Variants in MFSD8 observed in about 807,000 individuals in gnomAD.
MFSD8 encodes major facilitator superfamily domain-containing protein 8.
MFSD8 carries 55 observed loss-of-function variants against 66.4 expected under a neutral mutation model. The ratio of observed to expected loss-of-function variants is 0.83; its 90% CI spans 0.67 to 1.04. MFSD8 has a LOEUF of 1.04. Among genes scored for constraint, MFSD8 ranks in the 50% least tolerant of loss-of-function variants. The pLI is 0.00. For missense variants in MFSD8, 550 were observed against 627.6 expected (o/e 0.88, Z 1.32); for synonymous variants, 202 against 212.8 (o/e 0.95, Z 0.44).
chr4:127,921,573 T>C lies in MFSD8; in HGVS notation c.1301A>G (p.Asn434Ser). ...VLIGLGYPVC[N>S]LMSYTLYSKI... ...TGAATATAGAGTATAGGACATAAGA[T>C]TGCAGACTGGATAGCCTAATCCTAT... is the stretch of plus-strand genomic sequence containing the variant. Residue 434 changes from asparagine (N) to serine (S), a missense_variant, in exon 11 of 12, where the codon AAT becomes AGT. By Grantham distance (46) the Asn-to-Ser change is conservative (BLOSUM62 1). Coordinates refer to ENST00000641686, the MANE Select transcript of MFSD8 (RefSeq NM_001371596.2). 3 of 1,614,200 alleles carry C rather than the reference T, an allele frequency of 1.9e-6. No homozygotes were observed. The highest frequency in any genetic ancestry group is 2.5e-6 in the Non-Finnish European group (3 of 1,180,036).
chr4:127,933,196 C>T, intron 7 of MFSD8, 103 bp from the exon 8 acceptor site: 1 of 951,578 alleles, frequency 1.1e-6, no homozygotes, highest in East Asian at 2.7e-5. Context: ...TATAAATAAA[C>T]ATTTAAAAAA....
At chr4:127,939,784 TC>T (rs1238964440) in intron 6 of MFSD8, 68 bp downstream of exon 6, 4 of 1,497,710 alleles carry the variant, frequency 2.7e-6, no homozygotes, top group Non-Finnish European at 3.7e-6. Flanking sequence ...ATAATTATCT[TC>T]CAACAATTAC....
chr4:127,965,263 G>C (rs979383455), upstream of MFSD8: 2 of 1,192,058 alleles, frequency 1.7e-6, no homozygotes, highest in African/African-American at 3.0e-5. Flanking sequence ...GACGTAGGCG[G>C]AACGCCCCGA....
In MFSD8 at chr4:127,940,523, T is replaced by TAG. The variant is rs1739993304; in HGVS notation, c.554-527_554-526insCT. On this transcript the variant is annotated intron_variant, in intron 5 of 11. Transcript: ENST00000641686. ...AATATTATTCTGTATATGGTATATA[T>TAG]ATATATATATATATATGTGTGTGTG... 3.4e-5 allele frequency among the ~76,000 whole-genome samples: 5 copies of TAG among 145,904 alleles called. No individual in the cohort carries two copies. The South Asian group carries it at 1.1e-3, about 31-fold the overall frequency.
intron 11 of MFSD8, chr4:127,921,050 G>A (rs1480669594): frequency 1.2e-5 from 7 of 591,060 alleles, no homozygotes; most frequent in Non-Finnish European, 2.1e-5. Flanking sequence ...AAAACTTACT[G>A]TCTGCTGAAG....
At chr4:127,938,881 A>C in intron 6 of MFSD8, 43 bp from the exon 7 acceptor site, 1 of 1,452,628 alleles carries the variant, frequency 6.9e-7, no homozygotes, top group Non-Finnish European at 9.6e-7. Flanking sequence ...AAAATGCTTA[A>C]TAGAGAAGTT....
chr4:127,928,971 T>C (rs1019938870), intron 9 of MFSD8, among the ~76,000 whole-genome samples: 2 of 152,032 alleles, frequency 1.3e-5, no homozygotes, highest in Non-Finnish European at 1.5e-5. Context: ...TTAAGTGAAA[T>C]AAGCCAAGCA....
At chr4:127,946,739 AC>A (rs1406762386) in intron 3 of MFSD8, among the ~76,000 whole-genome samples, 3 of 151,946 alleles carry the variant, frequency 2.0e-5, no homozygotes, top group Admixed American at 2.0e-4. Context: ...ACACAGTGAA[AC>A]CCTGTCTCTA....
At chr4:127,962,277 G>C (rs924683944) in intron 1 of MFSD8, among the ~76,000 whole-genome samples, 1 of 152,072 alleles carries the variant, frequency 6.6e-6, no homozygotes, top group African/African-American at 2.4e-5. Context: ...AGATCAGCCT[G>C]GCCACCTGGT....
In MFSD8 at chr4:127,918,785, T is replaced by C. The variant is rs1240383631; in HGVS notation, c.*1845A>G. 1 of 152,220 alleles carries C rather than the reference T, an allele frequency of 6.6e-6. No homozygotes were observed. Among genetic ancestry groups the C allele is most frequent in the Non-Finnish European group, 1.5e-5 (1 of 68,028 alleles). 9.4% of individuals were successfully genotyped at this position (152,220 alleles called of 1,614,324 possible). ...GTATTTTCACTCCATAAGACTGCTG[T>C]AAGAATTAAATTGTATGTTACACAT... On this transcript the variant is annotated 3_prime_UTR_variant, in exon 12 of 12. Coordinates refer to ENST00000641686, the MANE Select transcript of MFSD8 (RefSeq NM_001371596.2).
intron 2 of MFSD8, among the ~76,000 whole-genome samples, chr4:127,952,735 T>A (rs972698933): frequency 5.3e-5 from 8 of 151,570 alleles, no homozygotes; most frequent in African/African-American, 1.9e-4. Flanking sequence ...CTGGGCGTGG[T>A]GGCAGGCACC....
intron 1 of MFSD8, among the ~76,000 whole-genome samples, chr4:127,959,508 C>T (rs1453623358): frequency 6.6e-6 from 1 of 152,032 alleles, no homozygotes; most frequent in Admixed American, 6.6e-5. Context: ...CTAGTTGTAA[C>T]AGTGATGGAG....
Position 127,940,000 on chromosome 4 carries a change from T to C in MFSD8, c.554-3A>G. The C allele has an allele frequency of 1.2e-6, 2 of 1,612,018 alleles. No individual in the cohort carries two copies. The highest frequency in any genetic ancestry group is 1.7e-6 in the Non-Finnish European group (2 of 1,178,946). On this transcript the variant is annotated splice_polypyrimidine_tract_variant and splice_region_variant and intron_variant, in intron 5 of 11. Transcript: ENST00000641686. ...GAATGTAAAACAAGTCTGAAAAACT[T>C]ATTAAGATAAAATTTTCACAGATGA...
intron 2 of MFSD8, among the ~76,000 whole-genome samples, chr4:127,953,557 T>G (rs1303044053): frequency 7.2e-6 from 1 of 137,974 alleles, no homozygotes; most frequent in African/African-American, 2.7e-5. Flanking sequence ...TTTTTTTTTT[T>G]TTTTTTTTTT....
At chr4:127,943,346 T>G in intron 4 of MFSD8, 1 of 223,692 alleles carries the variant, frequency 4.5e-6, no homozygotes, top group Non-Finnish European at 8.8e-6. Context: ...CAAGATGGCT[T>G]TGTGGAAAAT....
At chr4:127,930,968 A>G in intron 8 of MFSD8, 151 bp from the exon 9 acceptor site, 1 of 691,166 alleles carries the variant, frequency 1.4e-6, no homozygotes, top group Middle Eastern at 4.3e-4. Flanking sequence ...GTTTGAACAC[A>G]TTTTAAGCGT....
At position 127,930,745 on chromosome 4, in the gene MFSD8, T is replaced by TATTA. The variant is rs1737980148; in HGVS notation, c.932_935dup (p.Leu313AsnfsTer8). 3.1e-6 allele frequency: 5 copies of TATTA among 1,613,632 alleles called. No homozygotes were observed. Among genetic ancestry groups the TATTA allele is most frequent in the Non-Finnish European group, 4.2e-6 (5 of 1,179,792 alleles). On this transcript the variant is annotated frameshift_variant, in exon 9 of 12. Coordinates refer to ENST00000641686, the MANE Select transcript of MFSD8 (RefSeq NM_001371596.2). LOFTEE classifies it high-confidence loss of function. The stretch of plus-strand genomic sequence containing the variant: ...CGGCTTCAACCCCAAGAGCAGCAAG[T>TATTA]ATTATGCCATTATATAACACAGCTT...
intron 1 of MFSD8, among the ~76,000 whole-genome samples, chr4:127,962,661 G>A (rs1040663602): frequency 6.6e-6 from 1 of 151,096 alleles, no homozygotes; most frequent in Non-Finnish European, 1.5e-5. Context: ...AGGCCACAGA[G>A]CAAGACCCCG....
At chr4:127,922,106 A>T in intron 9 of MFSD8, 143 bp from the exon 10 acceptor site, 2 of 894,576 alleles carry the variant, frequency 2.2e-6, no homozygotes, top group South Asian at 3.1e-5. Flanking sequence ...ATAATTTTCC[A>T]CTAAAAATAA....
Sources: allele counts gnomAD v4.1 joint callset (sites outside exome capture counted in the v4.1 genomes callset), GRCh38; gene constraint gnomAD v4.1.1; transcripts MANE v1.5; gene names NCBI Gene and HGNC (gene_info 2026-07-23, HGNC 2026-07-21).